SMIM23: variants seen among roughly 807,000 people sequenced by gnomAD.
The protein encoded by SMIM23 is CTB-78H18.1.
In SMIM23, 10 loss-of-function variants were observed where a neutral mutation model predicts 12.8. The observed-to-expected ratio is 0.78, with a 90% CI of 0.48 to 1.32. The LOEUF is 1.32. SMIM23 is among the 40% of genes most tolerant of loss of function. SMIM23 has a pLI of 0.00. For synonymous variants in SMIM23, 78 were observed against 80.1 expected (o/e 0.97, Z 0.14); for missense variants, 184 against 198.2 (o/e 0.93, Z 0.43).
chr5:171,790,441 G>A, intron 2 of SMIM23, 41 bp from the exon 3 acceptor site: 2 of 1,531,730 alleles, frequency 1.3e-6, no homozygotes, highest in Non-Finnish European at 1.8e-6. Flanking sequence ...TTCAATTAGT[G>A]CTCATTTGCT....
chr5:171,787,404 C>A (rs702075), intron 1 of SMIM23, among the ~76,000 whole-genome samples: 1,615 of 152,260 alleles, frequency 0.011, 31 homozygotes, highest in African/African-American at 0.037. Flanking sequence ...GGCCCCAAGA[C>A]GACACAAGGA....
intron 1 of SMIM23, among the ~76,000 whole-genome samples, chr5:171,786,487 C>G (rs1005357664): frequency 6.6e-6 from 1 of 152,084 alleles, no homozygotes; most frequent in Non-Finnish European, 1.5e-5. Flanking sequence ...GCAAAAGGGC[C>G]GTACAACTGG....
chr5:171,781,537 G>GC (rs11396589), upstream of SMIM23, among the ~76,000 whole-genome samples: 8,249 of 148,452 alleles, frequency 0.056, 430 homozygotes, highest in African/African-American at 0.14. Flanking sequence ...TCTGAGAAGT[G>GC]CCCCCCCCCG....
upstream of SMIM23, among the ~76,000 whole-genome samples, chr5:171,783,433 A>G (rs1755760328): frequency 6.6e-6 from 1 of 152,218 alleles, no homozygotes; most frequent in Non-Finnish European, 1.5e-5. Context: ...ACAGTGTGGT[A>G]TTGATGCAGG....
the SMIM23 span, chr5:171,774,419 G>T: frequency 2.2e-6 from 1 of 456,198 alleles, no homozygotes; most frequent in Non-Finnish European, 4.4e-6. Flanking sequence ...AACAATATGG[G>T]AACCCAGGTC....
the SMIM23 span, among the ~76,000 whole-genome samples, chr5:171,777,372 A>T: frequency 1.3e-5 from 2 of 152,198 alleles, no homozygotes; most frequent in South Asian, 2.1e-4. Context: ...ACGCCTCATA[A>T]ATTAATCCTG....
chr5:171,776,825 C>G, the SMIM23 span, among the ~76,000 whole-genome samples: 1 of 152,222 alleles, frequency 6.6e-6, no homozygotes, highest in Non-Finnish European at 1.5e-5. Flanking sequence ...CCCAATTTAA[C>G]ACACTCAACT....
upstream of SMIM23, among the ~76,000 whole-genome samples, chr5:171,780,277 C>G (rs745718460): frequency 2.9e-4 from 44 of 152,258 alleles, no homozygotes; most frequent in Non-Finnish European, 4.7e-4. Flanking sequence ...TTCCCTCCTT[C>G]AAAGGCCTCT....
chr5:171,781,623 G>C (rs1255572941), upstream of SMIM23, among the ~76,000 whole-genome samples: 1 of 151,802 alleles, frequency 6.6e-6, no homozygotes, highest in Non-Finnish European at 1.5e-5. Flanking sequence ...GGTATAAGAC[G>C]ACGAACCCTG....
In SMIM23 at chr5:171,790,935, A is replaced by G; in HGVS notation, c.366A>G (p.Glu122=). 6.5e-7 allele frequency: 1 copy of G among 1,536,104 alleles called. No individual in the cohort carries two copies. Among genetic ancestry groups the G allele is most frequent in the East Asian group, 2.4e-5 (1 of 40,908 alleles). Residue 122 remains glutamate (E), a synonymous_variant, in exon 4 of 4, where the codon GAA becomes GAG. Coordinates refer to ENST00000523047, the MANE Select transcript of SMIM23 (RefSeq NM_001289970.2). ...QQLEQLAWDL[E]LWLDALLGEP... Reference sequence around the variant, plus strand: ...TGGAGCAGCTAGCGTGGGACCTGGAACTGTGGCTGGATGCTCTTCTGGGAG... The same window carrying G: ...TGGAGCAGCTAGCGTGGGACCTGGAGCTGTGGCTGGATGCTCTTCTGGGAG...
upstream of SMIM23, among the ~76,000 whole-genome samples, chr5:171,779,420 G>A (rs116613277): frequency 1.3e-5 from 2 of 152,160 alleles, no homozygotes; most frequent in African/African-American, 4.8e-5. Context: ...ATAAATACAA[G>A]TCTTTATTCT....
At chr5:171,790,191 C>T in intron 1 of SMIM23, 39 bp from the exon 2 acceptor site, 1 of 1,530,282 alleles carries the variant, frequency 6.5e-7, no homozygotes, top group East Asian at 2.4e-5. Context: ...GAGAATTCAT[C>T]CTCATGTTCT....
chr5:171,787,305 ACTT>A (rs1447078809), intron 1 of SMIM23, among the ~76,000 whole-genome samples: 10 of 152,288 alleles, frequency 6.6e-5, no homozygotes, highest in East Asian at 3.9e-4. Flanking sequence ...GGTGTGAGCC[ACTT>A]CTTCTTTTTT....
upstream of SMIM23, among the ~76,000 whole-genome samples, chr5:171,781,259 C>A (rs1206709399): frequency 6.6e-6 from 1 of 152,190 alleles, no homozygotes; most frequent in Non-Finnish European, 1.5e-5. Flanking sequence ...GACATAGATG[C>A]TGCAGTTGTG....
upstream of SMIM23, among the ~76,000 whole-genome samples, chr5:171,778,496 TAGAGAC>T (rs1561588012): frequency 9.0e-6 from 1 of 110,624 alleles, no homozygotes; most frequent in African/African-American, 3.0e-5. Flanking sequence ...CACACACAGA[TAGAGAC>T]AGAGAGAAGA....
At chr5:171,787,578 C>A (rs1755841762) in intron 1 of SMIM23, among the ~76,000 whole-genome samples, 1 of 152,210 alleles carries the variant, frequency 6.6e-6, no homozygotes, top group African/African-American at 2.4e-5. Context: ...GAAAACTCAT[C>A]AGCCATTTTA....
upstream of SMIM23, among the ~76,000 whole-genome samples, chr5:171,780,604 T>C (rs1235654717): frequency 1.3e-5 from 2 of 152,234 alleles, no homozygotes; most frequent in Admixed American, 1.3e-4. Context: ...TCATTACTTT[T>C]GATGTGCCAT....
chr5:171,774,921 G>C, the SMIM23 span, among the ~76,000 whole-genome samples: 1 of 152,122 alleles, frequency 6.6e-6, no homozygotes, highest in Non-Finnish European at 1.5e-5. Flanking sequence ...AGACCCAGGA[G>C]GCCCCTCAGG....
chr5:171,779,845 G>A (rs1406864853), upstream of SMIM23, among the ~76,000 whole-genome samples: 3 of 151,716 alleles, frequency 2.0e-5, no homozygotes, highest in Non-Finnish European at 2.9e-5. Flanking sequence ...GAGGGAGGGA[G>A]GAAAAGAAGG....
Sources: allele counts gnomAD v4.1 joint callset (sites outside exome capture counted in the v4.1 genomes callset), GRCh38; gene constraint gnomAD v4.1.1; transcripts MANE v1.5; gene names NCBI Gene and HGNC (gene_info 2026-07-23, HGNC 2026-07-21).